The following GTPBP4 variants were observed in gnomAD, a reference collection of about 807,000 sequenced individuals.
GTPBP4 encodes the protein GTP binding protein 4.
In GTPBP4, 15 loss-of-function variants were observed where a neutral mutation model predicts 81.7. The ratio of observed to expected loss-of-function variants is 0.18; its 90% CI spans 0.12 to 0.28. GTPBP4 has a LOEUF of 0.28. Among genes scored for constraint, GTPBP4 ranks in the 10% least tolerant of loss-of-function variants. The pLI, the probability that GTPBP4 is intolerant of heterozygous loss-of-function variation, is 1.00. For synonymous variants in GTPBP4, 272 were observed against 274.6 expected, an observed-to-expected ratio of 0.99 and a Z score of 0.09; for missense variants, 847 against 793.8, an observed-to-expected ratio of 1.07 and a Z score of -0.81.
Position 1,014,265 on chromosome 10 carries a change from G to C in GTPBP4, c.1561G>C (p.Glu521Gln), listed in dbSNP as rs146388492. Residue 521 changes from glutamate (E) to glutamine (Q), a missense_variant, in exon 15 of 17, where the codon GAG becomes CAG. By Grantham distance (29) the Glu-to-Gln change is conservative. Transcript: ENST00000360803. Reference sequence around the variant, plus strand: ...TTCTCAGGTTCAGAGGACAGTTTTGGAGAAGGAGATGCGTAGTCTTGGTGT... The same window carrying C: ...TTCTCAGGTTCAGAGGACAGTTTTGCAGAAGGAGATGCGTAGTCTTGGTGT... Reference protein sequence around the residue: ...TAKKVQRTVLEKEMRSLGVDM... With the variant: ...TAKKVQRTVLQKEMRSLGVDM... The C allele has an allele frequency of 2.5e-6, 4 of 1,604,930 alleles. No individual in the cohort carries two copies. Among genetic ancestry groups the C allele is most frequent in the Non-Finnish European group, 3.4e-6 (4 of 1,172,066 alleles).
At chr10:998,074 T>A (rs1182350759) in intron 5 of GTPBP4, among the ~76,000 whole-genome samples, 4 of 152,098 alleles carry the variant, frequency 2.6e-5, no homozygotes, top group Non-Finnish European at 5.9e-5. Context: ...TATTTTTAAT[T>A]AAAAAAATTT....
intron 8 of GTPBP4, among the ~76,000 whole-genome samples, chr10:1,002,031 C>G (rs958349144): frequency 6.6e-6 from 1 of 151,542 alleles, no homozygotes; most frequent in Non-Finnish European, 1.5e-5. Context: ...TCAAGTGATT[C>G]TCCTGCCTCA....
At chr10:989,472 C>T (rs1045562010) in intron 1 of GTPBP4, among the ~76,000 whole-genome samples, 3 of 152,090 alleles carry the variant, frequency 2.0e-5, no homozygotes, top group Non-Finnish European at 4.4e-5. Flanking sequence ...CGATTTGGGT[C>T]GCAATTACAC....
chr10:1,007,691 C>T (rs1435926493), intron 10 of GTPBP4, among the ~76,000 whole-genome samples: 4 of 152,230 alleles, frequency 2.6e-5, no homozygotes, highest in African/African-American at 4.8e-5. Flanking sequence ...GTGTTGACAA[C>T]GTTCCTGTCC....
rs1832061659 is a variant in GTPBP4, at chr10:1,019,897, A to G, written c.*2670A>G. ...TGTAAAACACAGAATTTACAGAAAA[A>G]TAGAGAAAATAAACACATTTGTTTT... On this transcript the variant is annotated 3_prime_UTR_variant, in exon 17 of 17. Transcript: ENST00000360803. 12 of 1,176,144 alleles carry G rather than the reference A, an allele frequency of 1.0e-5. No homozygotes were observed. Among genetic ancestry groups the G allele is most frequent in the Non-Finnish European group, 1.0e-5 (8 of 803,730 alleles). 72.9% of individuals were successfully genotyped at this position (1,176,144 alleles called of 1,614,324 possible).
intron 1 of GTPBP4, among the ~76,000 whole-genome samples, chr10:990,066 A>G (rs1279169634): frequency 1.3e-5 from 2 of 152,294 alleles, no homozygotes; most frequent in South Asian, 2.1e-4. Context: ...TGCAGGAGTC[A>G]TGTCTTATTT....
intron 2 of GTPBP4, among the ~76,000 whole-genome samples, chr10:995,683 C>A (rs1252208084): frequency 2.0e-5 from 3 of 152,122 alleles, no homozygotes; most frequent in African/African-American, 7.2e-5. Flanking sequence ...CTGGTCATTG[C>A]TGGGTCCCAC....
At chr10:989,515 A>T (rs1831405115) in intron 1 of GTPBP4, among the ~76,000 whole-genome samples, 1 of 151,732 alleles carries the variant, frequency 6.6e-6, no homozygotes, top group Non-Finnish European at 1.5e-5. Context: ...CCTCCCAGGG[A>T]CTCCTGCACG....
chr10:1,019,159 G>T lies in GTPBP4; in HGVS notation c.*1932G>T. 1 of 201,786 alleles carries T rather than the reference G, an allele frequency of 5.0e-6. No individual in the cohort carries two copies. Among genetic ancestry groups the T allele is most frequent in the Non-Finnish European group, 1.0e-5 (1 of 98,910 alleles). The allele number at this position is 201,786 out of a possible 1,614,324, so 12.5% of individuals were successfully genotyped here. ...CCTTGGAGGCTTGGATAAAGCTGTG[G>T]GGAGACAGCCTCATGGTCCAGCCAG... On this transcript the variant is annotated 3_prime_UTR_variant, in exon 17 of 17. Coordinates refer to ENST00000360803, the MANE Select transcript of GTPBP4 (RefSeq NM_012341.3).
Position 1,019,404 on chromosome 10 carries a change from G to A in GTPBP4, c.*2177G>A, listed in dbSNP as rs1473990648. 1.4e-5 allele frequency: 10 copies of A among 695,936 alleles called. No homozygotes were observed. The Admixed American group carries it at 2.1e-4, about 14-fold the overall frequency. 43.1% of individuals were successfully genotyped at this position (695,936 alleles called of 1,614,324 possible). ...TTGAAATAGTGATTTATACATGATG[G>A]GCAATCAAGTGCCCCTTTTGCCCTG... On this transcript the variant is annotated 3_prime_UTR_variant, in exon 17 of 17. Coordinates refer to ENST00000360803, the MANE Select transcript of GTPBP4 (RefSeq NM_012341.3).
chr10:1,000,781 T>C lies in GTPBP4; in HGVS notation c.759T>C (p.Tyr253=), dbSNP rs760279581. The change falls in exon 7 of 17, where the codon TAT becomes TAC. Residue 253 remains tyrosine, a synonymous_variant. Coordinates refer to ENST00000360803, the MANE Select transcript of GTPBP4 (RefSeq NM_012341.3). ...CCCACCTCCGTGCTGCGGTCCTGTA[T>C]GTGATGGATTTGTCTGAGCAGTGTG... ...ALAHLRAAVL[Y]VMDLSEQCGH... is the part of the protein sequence containing the mutation. The C allele has an allele frequency of 3.7e-6, 6 of 1,610,936 alleles. No individual in the cohort carries two copies. Among genetic ancestry groups the C allele is most frequent in the East Asian group, 2.2e-5 (1 of 44,848 alleles).
chr10:1,003,786 C>T (rs759717330), intron 8 of GTPBP4, among the ~76,000 whole-genome samples: 43 of 152,032 alleles, frequency 2.8e-4, no homozygotes, highest in East Asian at 5.8e-4. Context: ...TTGTTTTTCC[C>T]GCAATGGGGG....
rs199736710 is a variant in GTPBP4, at chr10:1,000,764, C to T, written c.742C>T (p.Arg248Cys). Residue 248 changes from arginine (R) to cysteine (C), a missense_variant, in exon 7 of 17, where the codon CGT (arginine) becomes TGT (cysteine). Physicochemically the swap from Arg to Cys is radical, Grantham distance 180. Transcript: ENST00000360803. ...GGCCATCACTGCCCTGGCCCACCTC[C>T]GTGCTGCGGTCCTGTATGTGATGGA... ...MQAITALAHLRAAVLYVMDLS... is the reference protein window; with the variant it reads ...MQAITALAHLCAAVLYVMDLS... 831 of 1,607,580 alleles carry T rather than the reference C, an allele frequency of 5.2e-4. 17 individuals are homozygous for T. In the South Asian group the frequency reaches 8.4e-3, roughly 16 times the overall value.
chr10:1,012,539 A>G lies in GTPBP4; in HGVS notation c.1419A>G (p.Glu473=). The G allele has an allele frequency of 1.2e-6, 2 of 1,612,986 alleles. No homozygotes were observed. The highest frequency in any genetic ancestry group is 2.7e-5 in the African/African-American group (2 of 75,040). ...AGEYDSVSES[E]DEEMLEIRQL... The stretch of plus-strand genomic sequence containing the variant: ...AGTATGACAGTGTATCTGAGAGTGA[A>G]GACGAAGAGATGCTGGAAATCCGAC... Residue 473 remains glutamate, a synonymous_variant, in exon 14 of 17, where the codon GAA becomes GAG. Transcript: ENST00000360803.
At chr10:1,015,393 AGTGGACCTGGGGTCCTGAGCG>A (rs1831961047) in intron 15 of GTPBP4, among the ~76,000 whole-genome samples, 2 of 122,376 alleles carry the variant, frequency 1.6e-5, no homozygotes, top group Admixed American at 7.9e-5. Flanking sequence ...TGAGCCTGGG[AGTGGACCTGGGGTCCTGAGCG>A]CTGAGCCTGG....
At chr10:1,007,283 G>T in intron 10 of GTPBP4, 155 bp downstream of exon 10, 1 of 587,346 alleles carries the variant, frequency 1.7e-6, no homozygotes, top group Non-Finnish European at 3.1e-6. Flanking sequence ...ATAAAGGATC[G>T]AGAAGGTGAA....
At chr10:1,005,735 C>T in intron 8 of GTPBP4, 83 bp from the exon 9 acceptor site, 1 of 782,000 alleles carries the variant, frequency 1.3e-6, no homozygotes, top group Admixed American at 1.9e-5. Context: ...CATTTGCAGC[C>T]TCCATTTGCA....
chr10:988,964 G>C, intron 1 of GTPBP4: 1 of 171,254 alleles, frequency 5.8e-6, no homozygotes. Flanking sequence ...TTGTTCTCGT[G>C]ATTTAACGTT....
At chr10:1,007,892 CTT>C (rs777806783) in intron 10 of GTPBP4, 1 of 517,262 alleles carries the variant, frequency 1.9e-6, no homozygotes, top group Non-Finnish European at 3.8e-6. Context: ...TTTCAAAGTT[CTT>C]TAGGCTGTTT....
Sources: gnomAD v4.1 joint callset for allele counts (sites outside exome capture counted in the v4.1 genomes callset) on GRCh38, gnomAD v4.1.1 for gene constraint, MANE v1.5 for transcripts, NCBI Gene and HGNC (gene_info 2026-07-23, HGNC 2026-07-21) for gene names.